The following ANKRD33B variants were observed in gnomAD, a reference collection of about 807,000 sequenced individuals.
ANKRD33B encodes the protein ankyrin repeat domain-containing protein 33B.
A neutral mutation model predicts 21.5 loss-of-function variants in ANKRD33B; 6 were observed. That is an observed-to-expected ratio of 0.28 (90% CI 0.15 to 0.55). The LOEUF (loss-of-function observed/expected upper bound fraction) is 0.55, where lower values mean the gene tolerates loss of function less well. Among genes scored for constraint, ANKRD33B ranks in the 20% least tolerant of loss-of-function variants. The pLI, the probability that ANKRD33B is intolerant of heterozygous loss-of-function variation, is 0.94. For synonymous variants in ANKRD33B, 347 were observed against 342.4 expected (o/e 1.01, Z -0.15); for missense variants, 698 against 747.2 (o/e 0.93, Z 0.77).
chr5:10,606,038 A>G (rs981297754), intron 1 of ANKRD33B, among the ~76,000 whole-genome samples: 1 of 152,240 alleles, frequency 6.6e-6, no homozygotes, highest in Non-Finnish European at 1.5e-5. Flanking sequence ...TAATGCTTGT[A>G]TGATCACTGC....
intron 1 of ANKRD33B, among the ~76,000 whole-genome samples, chr5:10,611,267 T>C (rs1736167012): frequency 6.6e-6 from 1 of 152,212 alleles, no homozygotes; most frequent in South Asian, 2.1e-4. Flanking sequence ...TTGTTAATGT[T>C]ACCAATGAAG....
Position 10,649,800 on chromosome 5 carries a change from TG to T in ANKRD33B, c.1176del (p.Ser393ProfsTer183). 1.4e-6 allele frequency: 2 copies of T among 1,396,798 alleles called. No homozygotes were observed. Among genetic ancestry groups the T allele is most frequent in the African/African-American group, 1.5e-5 (1 of 65,620 alleles). 86.5% of individuals were successfully genotyped at this position (1,396,798 alleles called of 1,614,324 possible). A position where few individuals can be genotyped will look rare whatever the true frequency, so the allele number is the denominator to read the frequency against. ...GSPRAGLPPA[L>X]GSRGPAAPAP... ...CCGAGAGCCGGCCTCCCTCCCGCCCTGGGGTCCCGGGGCCCCGCAGCGCCCG... is the reference window on the plus strand; with the variant it reads ...CCGAGAGCCGGCCTCCCTCCCGCCCTGGGTCCCGGGGCCCCGCAGCGCCCG... On this transcript the variant is annotated frameshift_variant, in exon 4 of 4. Transcript: ENST00000296657. LOFTEE classifies it high-confidence loss of function.
chr5:10,621,677 G>A (rs923652847), intron 2 of ANKRD33B, among the ~76,000 whole-genome samples: 4 of 152,200 alleles, frequency 2.6e-5, no homozygotes, highest in Non-Finnish European at 5.9e-5. Flanking sequence ...GGCACATAGA[G>A]GCAATCACAA....
chr5:10,570,039 A>G (rs1236086093), intron 1 of ANKRD33B, among the ~76,000 whole-genome samples: 6 of 151,880 alleles, frequency 4.0e-5, no homozygotes, highest in Non-Finnish European at 7.4e-5. Flanking sequence ...ACCATGCCCG[A>G]CTAATTTTTA....
At chr5:10,602,900 C>T (rs1338028068) in intron 1 of ANKRD33B, among the ~76,000 whole-genome samples, 1 of 151,290 alleles carries the variant, frequency 6.6e-6, no homozygotes, top group Non-Finnish European at 1.5e-5. Context: ...GCAGACTTGA[C>T]CTCCCAAACT....
At chr5:10,646,196 C>T (rs1349051773) in intron 3 of ANKRD33B, among the ~76,000 whole-genome samples, 1 of 152,160 alleles carries the variant, frequency 6.6e-6, no homozygotes, top group East Asian at 1.9e-4. Context: ...GTGGCAGCTC[C>T]ACTTTTGTCC....
At chr5:10,612,403 A>G (rs1736191551) in intron 1 of ANKRD33B, among the ~76,000 whole-genome samples, 1 of 152,132 alleles carries the variant, frequency 6.6e-6, no homozygotes, top group African/African-American at 2.4e-5. Context: ...CACCAATCCT[A>G]TTTATGAGGG....
At chr5:10,632,458 T>C (rs996099532) in intron 2 of ANKRD33B, among the ~76,000 whole-genome samples, 2 of 152,200 alleles carry the variant, frequency 1.3e-5, no homozygotes, top group African/African-American at 4.8e-5. Flanking sequence ...TTCGCATCCA[T>C]GCAGAGCGGA....
chr5:10,564,265 C>T lies in ANKRD33B; in HGVS notation c.-203C>T, dbSNP rs1357146773. The T allele has an allele frequency of 1.0e-5, 2 of 200,724 alleles. No homozygotes were observed. Among genetic ancestry groups the T allele is most frequent in the African/African-American group, 2.4e-5 (1 of 42,300 alleles). 12.4% of individuals were successfully genotyped at this position (200,724 alleles called of 1,614,324 possible). ...CCGCCTCGGAAAGCCCCCGCGGTCC[C>T]GCCCACCCCAGGGGCTCGCTCAGCC... On this transcript the variant is annotated 5_prime_UTR_variant, in exon 1 of 4. Coordinates refer to ENST00000296657, the MANE Select transcript of ANKRD33B (RefSeq NM_001164440.2).
chr5:10,614,484 T>C (rs532732633), intron 1 of ANKRD33B, among the ~76,000 whole-genome samples: 3 of 152,192 alleles, frequency 2.0e-5, no homozygotes, highest in Non-Finnish European at 4.4e-5. Flanking sequence ...TTGCCCAGGC[T>C]GGTCTCAAAC....
intron 1 of ANKRD33B, among the ~76,000 whole-genome samples, chr5:10,598,999 T>TC (rs1351253759): frequency 2.0e-5 from 3 of 152,220 alleles, no homozygotes; most frequent in Admixed American, 1.3e-4. Flanking sequence ...TGTGCAGTCA[T>TC]CCCCCTACTC....
At chr5:10,647,787 C>G (rs759678494) in intron 3 of ANKRD33B, among the ~76,000 whole-genome samples, 39 of 152,188 alleles carry the variant, frequency 2.6e-4, no homozygotes, top group Non-Finnish European at 4.1e-4. Context: ...TTCTTTGTTT[C>G]CAGGAAACCT....
At chr5:10,577,280 C>T (rs745574838) in intron 1 of ANKRD33B, among the ~76,000 whole-genome samples, 1 of 152,154 alleles carries the variant, frequency 6.6e-6, no homozygotes, top group Non-Finnish European at 1.5e-5. Context: ...CAGGCACCCA[C>T]CACCATGCCT....
rs1200176102 is a variant in ANKRD33B, at chr5:10,574,896, A to T, written c.366+10063A>T. On this transcript the variant is annotated intron_variant, in intron 1 of 3. Transcript: ENST00000296657. ...GGTGCTCAAGACCAGCGTGGGCAAC[A>T]TAGCAAGACTTTGTCTCTACAAAAA... is the stretch of plus-strand genomic sequence containing the variant. Among the ~76,000 whole-genome samples, 4 of 18,832 alleles carry T rather than the reference A, an allele frequency of 2.1e-4. 1 individual carries two copies. Among genetic ancestry groups the T allele is most frequent in the African/African-American group, 3.4e-4 (4 of 11,630 alleles). The allele number at this position is 18,832 out of a possible 152,430, so 12.4% of individuals were successfully genotyped here. A position where few individuals can be genotyped will look rare whatever the true frequency, so the allele number is the denominator to read the frequency against.
At chr5:10,641,481 A>T (rs1737061346) in intron 3 of ANKRD33B, among the ~76,000 whole-genome samples, 1 of 151,842 alleles carries the variant, frequency 6.6e-6, no homozygotes, top group African/African-American at 2.4e-5. Flanking sequence ...TGCCCGCCTT[A>T]GCCTCCCAAA....
intron 3 of ANKRD33B, among the ~76,000 whole-genome samples, chr5:10,641,977 T>C (rs913926527): frequency 1.3e-5 from 2 of 152,232 alleles, no homozygotes; most frequent in Non-Finnish European, 2.9e-5. Context: ...GCTTTTGTGT[T>C]TGGCGGGAGC....
intron 1 of ANKRD33B, among the ~76,000 whole-genome samples, chr5:10,599,968 T>C (rs962199763): frequency 3.3e-5 from 5 of 152,262 alleles, no homozygotes; most frequent in African/African-American, 1.2e-4. Context: ...CAAGGGTTTG[T>C]TTCTTCACAT....
intron 1 of ANKRD33B, among the ~76,000 whole-genome samples, chr5:10,586,523 G>GTGTT (rs1553991114): frequency 5.6e-5 from 8 of 142,690 alleles, no homozygotes; most frequent in African/African-American, 7.9e-5. Flanking sequence ...GTGTGTGTGT[G>GTGTT]TGTGTGTGTG....
intron 2 of ANKRD33B, 110 bp downstream of exon 2, chr5:10,618,572 G>T: frequency 7.2e-7 from 1 of 1,381,426 alleles, no homozygotes; most frequent in East Asian, 2.5e-5. Context: ...CAGAGACCAT[G>T]TCCTGCTACC....
Sources: gnomAD v4.1 joint callset for allele counts (sites outside exome capture counted in the v4.1 genomes callset) on GRCh38, gnomAD v4.1.1 for gene constraint, MANE v1.5 for transcripts, NCBI Gene and HGNC (gene_info 2026-07-23, HGNC 2026-07-21) for gene names.